The following ESR1 variants were observed in gnomAD, a reference collection of about 807,000 sequenced individuals.
The protein encoded by ESR1 is estrogen receptor.
Under a neutral mutation model 52.7 loss-of-function variants are expected in ESR1, and 12 were observed. The observed-to-expected ratio is 0.23, with a 90% confidence interval of 0.15 to 0.37. The LOEUF (loss-of-function observed/expected upper bound fraction) is 0.37, where lower values mean the gene tolerates loss of function less well. Ranked by LOEUF, ESR1 falls within the 10% of genes least tolerant of loss-of-function variation. ESR1 has a pLI of 1.00. For synonymous variants in ESR1, 305 were observed against 316.8 expected (o/e 0.96, Z 0.39); for missense variants, 584 against 779.7 (o/e 0.75, Z 2.99).
Position 151,736,375 on chromosome 6 carries a change from G to GTTCTTTTTTTTTTTTTT in ESR1, c.-71+34372_-71+34373insCTTTTTTTTTTTTTTTT, listed in dbSNP as rs748276035. 7.4e-4 allele frequency among the ~76,000 whole-genome samples: 83 copies of GTTCTTTTTTTTTTTTTT among 112,688 alleles called. 7 individuals carry two copies. Among genetic ancestry groups the GTTCTTTTTTTTTTTTTT allele is most frequent in the Non-Finnish European group, 9.6e-4 (55 of 57,572 alleles). The allele number at this position is 112,688 out of a possible 152,430, so 73.9% of individuals were successfully genotyped here. ...AAATACTTACTGTATTCCAGGTAGT[G>GTTCTTTTTTTTTTTTTT]TTTTTTTTTTTTTTTGAGATGGAGT... On this transcript the variant is annotated intron_variant, in intron 2 of 2. Transcript: ENST00000404742.
At chr6:152,078,735 A>G (rs1465065578) in intron 6 of ESR1, among the ~76,000 whole-genome samples, 1 of 152,218 alleles carries the variant, frequency 6.6e-6, no homozygotes, top group African/African-American at 2.4e-5. Context: ...AAGCTGTGAC[A>G]GACTGTAGCT....
chr6:151,701,341 C>T (rs778394169), intron 1 of ESR1, among the ~76,000 whole-genome samples: 5 of 151,490 alleles, frequency 3.3e-5, no homozygotes, highest in Non-Finnish European at 5.9e-5. Flanking sequence ...GCCCAGCCAA[C>T]ATGGTGAAAC....
At chr6:151,673,320 C>T (rs1440671020) in intron 1 of ESR1, among the ~76,000 whole-genome samples, 1 of 152,006 alleles carries the variant, frequency 6.6e-6, no homozygotes, top group African/African-American at 2.4e-5. Context: ...TAGTTTTTGC[C>T]TTATATATTT....
chr6:151,879,866 G>A (rs1792507809), intron 2 of ESR1, among the ~76,000 whole-genome samples: 1 of 152,032 alleles, frequency 6.6e-6, no homozygotes, highest in African/African-American at 2.4e-5. Flanking sequence ...CCACCAAGCC[G>A]GCTTGACTTT....
intron 2 of ESR1, among the ~76,000 whole-genome samples, chr6:151,880,006 T>C (rs1268582894): frequency 6.6e-6 from 1 of 152,124 alleles, no homozygotes. Context: ...GCAGTCTTGG[T>C]AAAACCAAAC....
chr6:151,960,103 A>T (rs1236985850), intron 4 of ESR1, among the ~76,000 whole-genome samples: 1 of 152,168 alleles, frequency 6.6e-6, no homozygotes, highest in East Asian at 1.9e-4. Context: ...CACTTAAAAA[A>T]ACTTAGAGAA....
At chr6:151,835,641 G>A (rs1386126983) in intron 1 of ESR1, among the ~76,000 whole-genome samples, 2 of 152,240 alleles carry the variant, frequency 1.3e-5, no homozygotes, top group African/African-American at 4.8e-5. Flanking sequence ...GAGATGAAAT[G>A]TGTGTAGGTG....
chr6:151,924,584 T>G (rs1048646589), intron 3 of ESR1, among the ~76,000 whole-genome samples: 1 of 152,062 alleles, frequency 6.6e-6, no homozygotes, highest in African/African-American at 2.4e-5. Context: ...CTCTCCCCAC[T>G]CCCACTCTGT....
chr6:151,997,601 G>A (rs1195332996), intron 4 of ESR1, among the ~76,000 whole-genome samples: 1 of 152,136 alleles, frequency 6.6e-6, no homozygotes, highest in South Asian at 2.1e-4. Context: ...GAAGCAATAT[G>A]CAGAAAAGCT....
intron 4 of ESR1, among the ~76,000 whole-genome samples, chr6:151,969,804 C>T (rs2038711344): frequency 6.6e-6 from 1 of 152,178 alleles, no homozygotes; most frequent in African/African-American, 2.4e-5. Flanking sequence ...AAACTACACT[C>T]ATTGTCTCAG....
At chr6:151,917,157 A>C (rs1294531524) in intron 3 of ESR1, among the ~76,000 whole-genome samples, 1 of 152,210 alleles carries the variant, frequency 6.6e-6, no homozygotes, top group Non-Finnish European at 1.5e-5. Flanking sequence ...AGCATGAGAC[A>C]AAGAAGAGAT....
chr6:151,713,284 T>C (rs976704390), intron 2 of ESR1, among the ~76,000 whole-genome samples: 3 of 152,212 alleles, frequency 2.0e-5, no homozygotes, highest in South Asian at 2.1e-4. Flanking sequence ...ATCAGAGATA[T>C]TGGCCTGAAA....
At chr6:151,901,951 C>G (rs927418078) in intron 3 of ESR1, among the ~76,000 whole-genome samples, 2 of 152,192 alleles carry the variant, frequency 1.3e-5, no homozygotes, top group African/African-American at 4.8e-5. Context: ...TCTAGTCCTG[C>G]CTCCTTTCCA....
chr6:151,890,025 C>T (rs1350671493), intron 3 of ESR1, among the ~76,000 whole-genome samples: 4 of 151,264 alleles, frequency 2.6e-5, no homozygotes, highest in African/African-American at 9.7e-5. Flanking sequence ...GATATGGTGT[C>T]AATGTTCTTA....
At chr6:151,737,127 C>T (rs1433217661) in intron 2 of ESR1, among the ~76,000 whole-genome samples, 1 of 151,994 alleles carries the variant, frequency 6.6e-6, no homozygotes, top group African/African-American at 2.4e-5. Context: ...ATTATTCTTC[C>T]CCATGCTTTT....
At chr6:152,093,354 TTC>T (rs1159067209) in intron 6 of ESR1, among the ~76,000 whole-genome samples, 54 of 83,874 alleles carry the variant, frequency 6.4e-4, no homozygotes, top group Admixed American at 7.7e-4. Context: ...CTCTCTCTCT[TTC>T]TCTCTCTCTC....
intron 3 of ESR1, among the ~76,000 whole-genome samples, chr6:151,937,300 A>G (rs1439766934): frequency 6.6e-6 from 1 of 152,208 alleles, no homozygotes; most frequent in East Asian, 1.9e-4. Context: ...ATGACCAGAA[A>G]CCTCAACAGC....
intron 3 of ESR1, among the ~76,000 whole-genome samples, chr6:151,903,886 G>T (rs1797058376): frequency 6.6e-6 from 1 of 152,152 alleles, no homozygotes; most frequent in Non-Finnish European, 1.5e-5. Context: ...TCTCCTATCT[G>T]TCCAATTAAA....
chr6:151,876,497 A>C (rs1009243015), intron 2 of ESR1, among the ~76,000 whole-genome samples: 2 of 152,202 alleles, frequency 1.3e-5, no homozygotes, highest in African/African-American at 4.8e-5. Flanking sequence ...GAATCTCTGC[A>C]TATGTACGGG....
Sources: gnomAD v4.1 joint callset for allele counts (sites outside exome capture counted in the v4.1 genomes callset) on GRCh38, gnomAD v4.1.1 for gene constraint, MANE v1.5 for transcripts, NCBI Gene and HGNC (gene_info 2026-07-23, HGNC 2026-07-21) for gene names.